The following MARCHF1 variants were observed in gnomAD, a reference collection of about 807,000 sequenced individuals.
MARCHF1 encodes the protein E3 ubiquitin-protein ligase MARCHF1.
In MARCHF1, 40 loss-of-function variants were observed where a neutral mutation model predicts 54.2. The ratio of observed to expected loss-of-function variants is 0.74; its 90% CI spans 0.57 to 0.96. The LOEUF (loss-of-function observed/expected upper bound fraction) is 0.96. MARCHF1 is among the 40% of genes least tolerant of loss of function. The pLI is 0.00. For missense variants in MARCHF1, 586 were observed against 656.5 expected (o/e 0.89, Z 1.17); for synonymous variants, 236 against 236.3 (o/e 1.00, Z 0.01).
At chr4:163,913,730 A>G (rs903840068) in intron 3 of MARCHF1, among the ~76,000 whole-genome samples, 14 of 152,302 alleles carry the variant, frequency 9.2e-5, no homozygotes, top group African/African-American at 1.9e-4. Context: ...CAAAACCCCA[A>G]TCCTACTGCT....
chr4:163,648,125 T>C (rs953936283), intron 5 of MARCHF1, among the ~76,000 whole-genome samples: 14 of 151,998 alleles, frequency 9.2e-5, no homozygotes, highest in Non-Finnish European at 1.6e-4. Context: ...AAAGTTTTTC[T>C]ATTAACATAA....
intron 3 of MARCHF1, among the ~76,000 whole-genome samples, chr4:163,940,118 C>A (rs186169001): frequency 2.6e-5 from 4 of 152,054 alleles, no homozygotes; most frequent in Admixed American, 2.6e-4. Flanking sequence ...GATAAGATGG[C>A]CATCTGCAAA....
chr4:163,619,467 AACTC>A (rs1314848091), intron 5 of MARCHF1, among the ~76,000 whole-genome samples: 1 of 152,192 alleles, frequency 6.6e-6, no homozygotes, highest in Non-Finnish European at 1.5e-5. Context: ...TATTTAATAA[AACTC>A]AGTAGGATCC....
chr4:164,205,859 C>G (rs1731592314), intron 1 of MARCHF1, among the ~76,000 whole-genome samples: 1 of 152,048 alleles, frequency 6.6e-6, no homozygotes, highest in Non-Finnish European at 1.5e-5. Flanking sequence ...CTGAACTAAA[C>G]AATTTGATAA....
chr4:164,188,977 C>T (rs116592699), intron 1 of MARCHF1: 20 of 721,358 alleles, frequency 2.8e-5, no homozygotes, highest in East Asian at 2.0e-4. Context: ...GGATCATTAA[C>T]GAGCCTATGG....
intron 3 of MARCHF1, among the ~76,000 whole-genome samples, chr4:163,968,835 G>A (rs375953025): frequency 1.3e-5 from 2 of 152,108 alleles, no homozygotes; most frequent in Non-Finnish European, 2.9e-5. Flanking sequence ...ACAAAATAAA[G>A]AGTAGACTTC....
At chr4:164,103,159 A>C (rs1389245968) in intron 2 of MARCHF1, among the ~76,000 whole-genome samples, 4 of 51,804 alleles carry the variant, frequency 7.7e-5, no homozygotes, top group Non-Finnish European at 1.9e-4. Flanking sequence ...CCCACACATT[A>C]ATAATGGGAG....
At chr4:163,743,084 A>T (rs1746255635) in intron 4 of MARCHF1, among the ~76,000 whole-genome samples, 1 of 152,226 alleles carries the variant, frequency 6.6e-6, no homozygotes, top group African/African-American at 2.4e-5. Flanking sequence ...AAATTAAAGC[A>T]TTTGCTTTAA....
chr4:163,572,195 C>G (rs1286879962), intron 8 of MARCHF1, among the ~76,000 whole-genome samples: 2 of 151,992 alleles, frequency 1.3e-5, no homozygotes, highest in African/African-American at 4.8e-5. Context: ...CTTGGACTCC[C>G]CTTCTTATTC....
intron 1 of MARCHF1, among the ~76,000 whole-genome samples, chr4:164,206,435 C>CATAA (rs1346186705): frequency 2.6e-5 from 4 of 152,068 alleles, no homozygotes; most frequent in African/African-American, 9.7e-5. Context: ...AAAACTCAGT[C>CATAA]ATAAATAAAT....
intron 4 of MARCHF1, among the ~76,000 whole-genome samples, chr4:163,807,315 G>A (rs1021640638): frequency 4.6e-5 from 7 of 152,104 alleles, no homozygotes; most frequent in African/African-American, 1.7e-4. Flanking sequence ...TTTATATACT[G>A]TGTATACAGA....
chr4:164,197,559 G>A (rs1313739829), intron 1 of MARCHF1: 17 of 1,613,292 alleles, frequency 1.1e-5, no homozygotes, highest in Middle Eastern at 3.3e-4. Flanking sequence ...TGAGGCCTCC[G>A]TTGATTTTAC....
intron 4 of MARCHF1, among the ~76,000 whole-genome samples, chr4:163,770,980 T>G (rs974385881): frequency 6.6e-6 from 1 of 152,246 alleles, no homozygotes; most frequent in Non-Finnish European, 1.5e-5. Flanking sequence ...AGACAGGCTC[T>G]ACTTACATAT....
Position 164,214,943 on chromosome 4 carries a change from C to G in MARCHF1, c.-322-103281G>C, listed in dbSNP as rs1262395171. Among the ~76,000 whole-genome samples the G allele has an allele frequency of 3.9e-5, 6 of 152,272 alleles. No homozygotes were observed. In the East Asian group the frequency reaches 9.7e-4, roughly 25 times the overall value. On this transcript the variant is annotated intron_variant, in intron 1 of 9. Transcript: ENST00000514618. Reference sequence around the variant, plus strand: ...TCCTCAGTGCCCCCGCCGCTCAAACCTCAGATGGGCAGGCTGTGGGGCTCT... The same window carrying G: ...TCCTCAGTGCCCCCGCCGCTCAAACGTCAGATGGGCAGGCTGTGGGGCTCT...
At chr4:163,781,825 A>G (rs1271971884) in intron 4 of MARCHF1, among the ~76,000 whole-genome samples, 1 of 152,230 alleles carries the variant, frequency 6.6e-6, no homozygotes, top group Non-Finnish European at 1.5e-5. Context: ...AGTTTGGAAA[A>G]AATCATATGT....
intron 1 of MARCHF1, among the ~76,000 whole-genome samples, chr4:164,204,674 T>A (rs1195178811): frequency 2.6e-5 from 4 of 152,174 alleles, no homozygotes; most frequent in Non-Finnish European, 5.9e-5. Context: ...AAATGCATAC[T>A]ATGACAGGCA....
intron 8 of MARCHF1, among the ~76,000 whole-genome samples, chr4:163,571,007 C>T (rs1487390803): frequency 6.6e-6 from 1 of 152,090 alleles, no homozygotes; most frequent in African/African-American, 2.4e-5. Context: ...TAGTAATTTT[C>T]CTCATCCAAT....
Position 163,680,315 on chromosome 4 carries a change from C to CA in MARCHF1, c.162+20497dup, listed in dbSNP as rs1418655525. On this transcript the variant is annotated intron_variant, in intron 5 of 9. Transcript: ENST00000514618. ...AAACTAAGCTTACGCTTAACCTACC[C>CA]AGAAAGCCTTTTGAGATACCACAGT... 2.0e-5 allele frequency among the ~76,000 whole-genome samples: 3 copies of CA among 152,310 alleles called. No homozygotes were observed. In the East Asian group the frequency reaches 5.8e-4, roughly 29 times the overall value.
intron 4 of MARCHF1, among the ~76,000 whole-genome samples, chr4:163,727,322 T>C (rs1362565710): frequency 7.9e-5 from 12 of 151,908 alleles, no homozygotes; most frequent in Non-Finnish European, 1.5e-4. Context: ...TTCTTTTTTT[T>C]TTTTTGACGG....
Sources: gnomAD v4.1 joint callset for allele counts (sites outside exome capture counted in the v4.1 genomes callset) on GRCh38, gnomAD v4.1.1 for gene constraint, MANE v1.5 for transcripts, NCBI Gene and HGNC (gene_info 2026-07-23, HGNC 2026-07-21) for gene names.